The following STK33 variants were observed in gnomAD, a reference collection of about 807,000 sequenced individuals.
The protein encoded by STK33 is serine/threonine kinase 33.
STK33 carries 52 observed loss-of-function variants against 58.0 expected under a neutral mutation model. That is an observed-to-expected ratio of 0.90 (90% confidence interval 0.72 to 1.13). The LOEUF (loss-of-function observed/expected upper bound fraction) is 1.13, where lower values mean the gene tolerates loss of function less well. Among genes scored for constraint, STK33 ranks in the 50% most tolerant of loss-of-function variants. STK33 has a pLI of 0.00. For synonymous variants in STK33, 215 were observed against 200.1 expected (o/e 1.07, Z -0.63); for missense variants, 630 against 604.2 (o/e 1.04, Z -0.45).
intron 14 of STK33, among the ~76,000 whole-genome samples, chr11:8,419,256 G>C (rs1180967121): frequency 6.6e-6 from 1 of 152,088 alleles, no homozygotes; most frequent in African/African-American, 2.4e-5. Context: ...CCTCATTTTT[G>C]TATATGGTGT....
intron 11 of STK33, among the ~76,000 whole-genome samples, chr11:8,443,599 C>CA (rs34212152): frequency 0.018 from 2,657 of 145,096 alleles, 80 homozygotes; most frequent in African/African-American, 0.063. Flanking sequence ...CACCGTATGG[C>CA]AAAAAAAAAA....
chr11:8,496,288 C>G (rs905139388), intron 1 of STK33, among the ~76,000 whole-genome samples: 2 of 152,094 alleles, frequency 1.3e-5, no homozygotes, highest in Non-Finnish European at 2.9e-5. Flanking sequence ...CTTTGTCTTT[C>G]TTATAATTCT....
chr11:8,487,372 T>C (rs1950258141), intron 1 of STK33, among the ~76,000 whole-genome samples: 1 of 143,678 alleles, frequency 7.0e-6, no homozygotes, highest in Non-Finnish European at 1.5e-5. Flanking sequence ...CAGTGAGTTG[T>C]GATCATGCCA....
intron 1 of STK33, among the ~76,000 whole-genome samples, chr11:8,534,560 C>CTG (rs1230223586): frequency 7.4e-4 from 89 of 120,014 alleles, no homozygotes; most frequent in Middle Eastern, 4.0e-3. Flanking sequence ...CTCTCTCTCT[C>CTG]TCTCTCTCTG....
At chr11:8,408,848 T>G (rs1939716031) in intron 15 of STK33, among the ~76,000 whole-genome samples, 1 of 151,072 alleles carries the variant, frequency 6.6e-6, no homozygotes, top group South Asian at 2.1e-4. Flanking sequence ...CCCAGGGGAG[T>G]TGCAGAGGAT....
intron 2 of STK33, among the ~76,000 whole-genome samples, 78 bp downstream of exon 2, chr11:8,480,327 AATTAT>A: frequency 6.6e-6 from 1 of 152,324 alleles, no homozygotes; most frequent in East Asian, 1.9e-4. Context: ...CTAGCCCTAA[AATTAT>A]ATGAAGATGA....
At chr11:8,521,144 G>T (rs1358241225) in intron 1 of STK33, among the ~76,000 whole-genome samples, 1 of 151,652 alleles carries the variant, frequency 6.6e-6, no homozygotes, top group Non-Finnish European at 1.5e-5. Flanking sequence ...AGTTCATATG[G>T]AAACAAAAAA....
intron 1 of STK33, among the ~76,000 whole-genome samples, chr11:8,581,338 G>A (rs1326869803): frequency 6.6e-6 from 1 of 152,046 alleles, no homozygotes; most frequent in East Asian, 1.9e-4. Flanking sequence ...GCAACATAGT[G>A]AGACCCCCAT....
At chr11:8,347,092 T>G in the STK33 span, among the ~76,000 whole-genome samples, 1 of 152,198 alleles carries the variant, frequency 6.6e-6, no homozygotes, top group South Asian at 2.1e-4. Flanking sequence ...TCAACATCTT[T>G]TGCATGAATA....
Position 8,504,306 on chromosome 11 carries a change from TAAGCTTTGTAAG to T in STK33, c.-465-23704_-465-23693del, listed in dbSNP as rs1951719569. Among the ~76,000 whole-genome samples, 3 of 152,188 alleles carry T rather than the reference TAAGCTTTGTAAG, an allele frequency of 2.0e-5. No homozygotes were observed. The South Asian group carries it at 6.2e-4, about 32-fold the overall frequency. Reference sequence around the variant, plus strand: ...TATTTACATTGGGTGTGGGAATATGTAAGCTTTGTAAGAAGCACAGAGAGCCCTTTGACAACT... The same window carrying T: ...TATTTACATTGGGTGTGGGAATATGTAAGCACAGAGAGCCCTTTGACAACT... On this transcript the variant is annotated intron_variant, in intron 1 of 15. Transcript: ENST00000687296.
chr11:8,427,479 T>C (rs1379799374), intron 14 of STK33, among the ~76,000 whole-genome samples: 6 of 152,166 alleles, frequency 3.9e-5, no homozygotes, highest in African/African-American at 1.4e-4. Flanking sequence ...ATCATCTCTT[T>C]AAAGCTAAGG....
intron 1 of STK33, among the ~76,000 whole-genome samples, chr11:8,517,178 T>C (rs2139668143): frequency 6.6e-6 from 1 of 152,294 alleles, no homozygotes; most frequent in East Asian, 1.9e-4. Context: ...TTCTGCAACA[T>C]TTGCTGTTCT....
At chr11:8,357,925 G>A in the STK33 span, among the ~76,000 whole-genome samples, 1 of 152,184 alleles carries the variant, frequency 6.6e-6, no homozygotes, top group Non-Finnish European at 1.5e-5. Flanking sequence ...GAAAATTGCA[G>A]GTACTCAGCT....
chr11:8,544,312 A>AT (rs1309067547), intron 1 of STK33, among the ~76,000 whole-genome samples: 15 of 71,876 alleles, frequency 2.1e-4, no homozygotes, highest in East Asian at 1.2e-3. Context: ...ATATATATAT[A>AT]AAATATGTAT....
At chr11:8,422,586 A>T (rs1942085928) in intron 14 of STK33, among the ~76,000 whole-genome samples, 1 of 152,160 alleles carries the variant, frequency 6.6e-6, no homozygotes, top group Non-Finnish European at 1.5e-5. Flanking sequence ...TGCTTGTAGA[A>T]GATTTTGAAC....
the STK33 span, among the ~76,000 whole-genome samples, chr11:8,356,058 G>A: frequency 8.1e-4 from 124 of 152,318 alleles, 1 homozygote; most frequent in African/African-American, 2.9e-3. Context: ...CCCGTAACAG[G>A]GGGTGCAGGG....
chr11:8,507,221 G>A (rs2139320390), intron 1 of STK33, among the ~76,000 whole-genome samples: 1 of 152,262 alleles, frequency 6.6e-6, no homozygotes, highest in Middle Eastern at 3.4e-3. Context: ...CAGCCCTCTA[G>A]CCTAGCTCAC....
intron 15 of STK33, among the ~76,000 whole-genome samples, chr11:8,406,142 CAAAAAAAAA>C (rs59336494): frequency 0.086 from 8,171 of 94,586 alleles, 298 homozygotes; most frequent in Non-Finnish European, 0.098. Context: ...GACTCCGTCT[CAAAAAAAAA>C]AAAAAAAAAA....
the STK33 span, among the ~76,000 whole-genome samples, chr11:8,367,379 G>A: frequency 1.3e-5 from 2 of 152,334 alleles, no homozygotes; most frequent in East Asian, 3.9e-4. Flanking sequence ...ATGCTGACGT[G>A]TGTTCACATC....
Sources: allele counts gnomAD v4.1 joint callset (sites outside exome capture counted in the v4.1 genomes callset), GRCh38; gene constraint gnomAD v4.1.1; transcripts MANE v1.5; gene names NCBI Gene and HGNC (gene_info 2026-07-23, HGNC 2026-07-21).